POU2F1: variants seen among roughly 807,000 people sequenced by gnomAD.
The protein encoded by POU2F1 is POU class 2 homeobox 1, also known as POU domain, class 2, transcription factor 1.
POU2F1 carries 16 observed loss-of-function variants against 84.9 expected under a neutral mutation model. The observed-to-expected ratio is 0.19, with a 90% CI of 0.13 to 0.29. The LOEUF is 0.29. Among genes scored for constraint, POU2F1 ranks in the 10% least tolerant of loss-of-function variants. The pLI, the probability that POU2F1 is intolerant of heterozygous loss-of-function variation, is 1.00. For missense variants in POU2F1, 738 were observed against 942.6 expected (o/e 0.78, Z 2.84); for synonymous variants, 368 against 368.3 (o/e 1.00, Z 0.01).
At chr1:167,311,671 T>C (rs1655480766) in intron 1 of POU2F1, among the ~76,000 whole-genome samples, 1 of 152,026 alleles carries the variant, frequency 6.6e-6, no homozygotes, top group Non-Finnish European at 1.5e-5. Flanking sequence ...AAATTTCAAA[T>C]AGAAAAAGCT....
At chr1:167,250,647 C>CCTTT (rs1650659170) in intron 1 of POU2F1, among the ~76,000 whole-genome samples, 1 of 152,126 alleles carries the variant, frequency 6.6e-6, no homozygotes. Flanking sequence ...CATAGCCAAA[C>CCTTT]CTTTAGTGGA....
At chr1:167,381,728 G>A (rs191925845) in intron 7 of POU2F1, among the ~76,000 whole-genome samples, 6 of 144,096 alleles carry the variant, frequency 4.2e-5, no homozygotes, top group Admixed American at 2.9e-4. Flanking sequence ...CTCTTGCCTC[G>A]CCTCCCGAGT....
intron 1 of POU2F1, among the ~76,000 whole-genome samples, chr1:167,294,198 AATT>A (rs1206067700): frequency 1.3e-5 from 2 of 149,190 alleles, no homozygotes; most frequent in East Asian, 1.9e-4. Context: ...AAAAAAAAAA[AATT>A]AGCCAGGTGT....
intron 9 of POU2F1, among the ~76,000 whole-genome samples, chr1:167,391,559 C>CTTTTTTTTTTT (rs1175783404): frequency 1.7e-5 from 1 of 57,876 alleles, no homozygotes; most frequent in African/African-American, 7.2e-5. Context: ...TTATATATAT[C>CTTTTTTTTTTT]TTTTTTTTTT....
chr1:167,349,604 A>T (rs1658425456), intron 2 of POU2F1, among the ~76,000 whole-genome samples: 1 of 152,176 alleles, frequency 6.6e-6, no homozygotes, highest in Non-Finnish European at 1.5e-5. Flanking sequence ...TAATCAGTTA[A>T]TGAATAGGCC....
At chr1:167,345,599 C>A (rs1483872920) in intron 2 of POU2F1, among the ~76,000 whole-genome samples, 1 of 152,108 alleles carries the variant, frequency 6.6e-6, no homozygotes, top group South Asian at 2.1e-4. Context: ...AAGCTGCTAC[C>A]GTTTAACTGG....
intron 1 of POU2F1, among the ~76,000 whole-genome samples, chr1:167,245,304 A>T (rs1650229469): frequency 6.6e-6 from 1 of 151,314 alleles, no homozygotes; most frequent in Non-Finnish European, 1.5e-5. Flanking sequence ...TGCAAGTGGC[A>T]TGATCGTGGC....
At chr1:167,346,318 T>C (rs1658195675) in intron 2 of POU2F1, among the ~76,000 whole-genome samples, 1 of 152,198 alleles carries the variant, frequency 6.6e-6, no homozygotes, top group Non-Finnish European at 1.5e-5. Context: ...AGGTGATGTA[T>C]AAAAGTAATT....
intron 2 of POU2F1, among the ~76,000 whole-genome samples, chr1:167,364,173 T>C (rs1166063991): frequency 1.3e-5 from 2 of 152,224 alleles, no homozygotes; most frequent in African/African-American, 4.8e-5. Context: ...TTAGAAAATA[T>C]TTCTGGGTGT....
intron 1 of POU2F1, among the ~76,000 whole-genome samples, chr1:167,305,440 T>G (rs1654998567): frequency 6.6e-6 from 1 of 152,126 alleles, no homozygotes; most frequent in South Asian, 2.1e-4. Context: ...GCTCAGGCAA[T>G]CTGCCCGCCT....
intron 7 of POU2F1, among the ~76,000 whole-genome samples, chr1:167,377,013 G>GA (rs1660371564): frequency 1.3e-5 from 2 of 152,128 alleles, no homozygotes. Flanking sequence ...GTGAATTTGG[G>GA]AAAATACATT....
intron 10 of POU2F1, among the ~76,000 whole-genome samples, chr1:167,397,561 G>T (rs1270851164): frequency 6.6e-6 from 1 of 152,066 alleles, no homozygotes; most frequent in Non-Finnish European, 1.5e-5. Context: ...TGGTGGGTAG[G>T]GGGAGACATG....
At chr1:167,311,305 G>A (rs1420436846) in intron 1 of POU2F1, among the ~76,000 whole-genome samples, 1 of 152,104 alleles carries the variant, frequency 6.6e-6, no homozygotes, top group Admixed American at 6.6e-5. Flanking sequence ...CAGAAACCAT[G>A]CAAGCCAGGA....
rs753416140 is a variant in POU2F1, at chr1:167,424,387, G to C, written c.*8577G>C. On this transcript the variant is annotated 3_prime_UTR_variant, in exon 16 of 16. Transcript: ENST00000367866. ...CGTGTGCATTGCTCAGTCCGCAGGA[G>C]GTCTCACTCCGCAGGAAACGCTCTC... The C allele has an allele frequency of 6.6e-6, 1 of 152,294 alleles. No individual in the cohort carries two copies. The highest frequency in any genetic ancestry group is 1.5e-5 in the Non-Finnish European group (1 of 68,086). 9.4% of individuals were successfully genotyped at this position (152,294 alleles called of 1,614,324 possible). A position where few individuals can be genotyped will look rare whatever the true frequency, so the allele number is the denominator to read the frequency against.
rs765224685 is a variant in POU2F1 at position 167,376,106 on chromosome 1, T to C, written c.669T>C (p.Asn223=). Residue 223 remains asparagine (N), a synonymous_variant, in exon 7 of 16, where the codon AAT becomes AAC. Coordinates refer to ENST00000367866, the MANE Select transcript of POU2F1 (RefSeq NM_002697.4). The part of the protein sequence containing the change: ...QQFVLVHPTT[N]LQPAQFIISQ... ...TTGTGTTGGTGCATCCAACCACCAA[T>C]TTGCAGCCAGCGCAGTTTATCATCT... is the stretch of plus-strand genomic sequence containing the variant. 10 of 1,614,246 alleles carry C rather than the reference T, an allele frequency of 6.2e-6. No homozygotes were observed. In the South Asian group the frequency reaches 9.9e-5, roughly 16 times the overall value.
intron 1 of POU2F1, among the ~76,000 whole-genome samples, chr1:167,235,449 T>C (rs111270671): frequency 3.3e-5 from 5 of 152,318 alleles, no homozygotes; most frequent in African/African-American, 1.2e-4. Context: ...CTGGAAAGTA[T>C]GATTTCAGGC....
At chr1:167,340,846 ATG>A (rs1298250344) in intron 2 of POU2F1, among the ~76,000 whole-genome samples, 1 of 152,174 alleles carries the variant, frequency 6.6e-6, no homozygotes, top group African/African-American at 2.4e-5. Flanking sequence ...ATATATGAAA[ATG>A]TAATATAACA....
rs140758223 is a variant in POU2F1, at chr1:167,338,246, C to T, written c.127+5711C>T. The T allele has an allele frequency of 1.1e-4, 53 of 462,232 alleles. No homozygotes were observed. The East Asian group carries it at 3.6e-3, about 31-fold the overall frequency. 28.6% of individuals were successfully genotyped at this position (462,232 alleles called of 1,614,324 possible). A position where few individuals can be genotyped will look rare whatever the true frequency, so the allele number is the denominator to read the frequency against. On this transcript the variant is annotated intron_variant, in intron 2 of 15. Coordinates refer to ENST00000367866, the MANE Select transcript of POU2F1 (RefSeq NM_002697.4). Reference sequence around the variant, plus strand: ...GAAGATCTTTGTGATGATCCACTTCCACTTAATGAATAGTAAATATATTTT... The same window carrying T: ...GAAGATCTTTGTGATGATCCACTTCTACTTAATGAATAGTAAATATATTTT...
chr1:167,395,523 C>T (rs1036052387), intron 9 of POU2F1, among the ~76,000 whole-genome samples: 1 of 151,994 alleles, frequency 6.6e-6, no homozygotes, highest in Non-Finnish European at 1.5e-5. Flanking sequence ...TTGATTAGTT[C>T]GTAAATATCT....
Sources: gnomAD v4.1 joint callset for allele counts (sites outside exome capture counted in the v4.1 genomes callset) on GRCh38, gnomAD v4.1.1 for gene constraint, MANE v1.5 for transcripts, NCBI Gene and HGNC (gene_info 2026-07-23, HGNC 2026-07-21) for gene names.